SLC6A4: variants seen among roughly 807,000 people sequenced by gnomAD.
SLC6A4 encodes the protein solute carrier family 6 member 4.
A neutral mutation model predicts 73.4 loss-of-function variants in SLC6A4; 22 were observed. That is an observed-to-expected ratio of 0.30 (90% CI 0.21 to 0.43). The LOEUF is 0.43. SLC6A4 is among the 20% of genes least tolerant of loss of function. The probability of loss-of-function intolerance (pLI) is 1.00; values close to 1 mark genes in which losing one functional copy is unlikely to be tolerated. For missense variants in SLC6A4, 593 were observed against 808.5 expected, an observed-to-expected ratio of 0.73 and a Z score of 3.23; for synonymous variants, 270 against 315.5, an observed-to-expected ratio of 0.86 and a Z score of 1.53.
chr17:30,194,685 G>C lies in SLC6A4; in HGVS notation c.*3771C>G, dbSNP rs201171788. The C allele has an allele frequency of 1.3e-5, 2 of 152,134 alleles. No homozygotes were observed. Among genetic ancestry groups the C allele is most frequent in the African/African-American group, 2.4e-5 (1 of 41,424 alleles). The allele number at this position is 152,134 out of a possible 1,614,324, so 9.4% of individuals were successfully genotyped here. ...TTTCAAAATGCCATTTAAAAAATTA[G>C]TAAATGCTCATATTTGTTTATGATA... On this transcript the variant is annotated 3_prime_UTR_variant, in exon 15 of 15. Coordinates refer to ENST00000650711, the MANE Select transcript of SLC6A4 (RefSeq NM_001045.6).
intron 14 of SLC6A4, among the ~76,000 whole-genome samples, chr17:30,200,240 C>T (rs1337886567): frequency 2.0e-5 from 3 of 152,232 alleles, no homozygotes; most frequent in African/African-American, 7.2e-5. Context: ...ACCCAGGATG[C>T]CAGGCCCACG....
Position 30,210,568 on chromosome 17 carries a change from C to T in SLC6A4, c.1396G>A (p.Val466Met), listed in dbSNP as rs767140114. ...HVWAKRRERFVLAVVITCFFG... is the reference protein window; with the variant it reads ...HVWAKRRERFMLAVVITCFFG... ...AAGCAGGTGATGACCACGGCGAGCA[C>T]GAACCGCTCCCGGCGCTTGGCCCAG... The change falls in exon 11 of 15, where the codon GTG becomes ATG. Residue 466 changes from valine to methionine, a missense_variant. Coordinates refer to ENST00000650711, the MANE Select transcript of SLC6A4 (RefSeq NM_001045.6). The T allele has an allele frequency of 9.3e-6, 15 of 1,613,854 alleles. No homozygotes were observed. Among genetic ancestry groups the T allele is most frequent in the Non-Finnish European group, 1.1e-5 (13 of 1,179,916 alleles).
At position 30,222,052 on chromosome 17, in the gene SLC6A4, A is replaced by G. The variant is rs971194779; in HGVS notation, c.-94T>C. On this transcript the variant is annotated 5_prime_UTR_variant, in exon 3 of 15. Transcript: ENST00000650711. ...TTTGTGGATCACCTCCGAGCTCTCT[A>G]TCGTCGGGATTGACACGTCGGGATT... 1.3e-6 allele frequency: 2 copies of G among 1,591,506 alleles called. No homozygotes were observed. Among genetic ancestry groups the G allele is most frequent in the East Asian group, 2.3e-5 (1 of 43,876 alleles).
At chr17:30,225,448 G>A (rs1348296021) in intron 1 of SLC6A4, among the ~76,000 whole-genome samples, 1 of 152,146 alleles carries the variant, frequency 6.6e-6, no homozygotes, top group Non-Finnish European at 1.5e-5. Context: ...AAAACAAGCT[G>A]GCCCAGGAAT....
Position 30,196,610 on chromosome 17 carries a change from C to T in SLC6A4, c.*1846G>A, listed in dbSNP as rs985120415. On this transcript the variant is annotated 3_prime_UTR_variant, in exon 15 of 15. Transcript: ENST00000650711. ...AGTAATCATGGTTTTTCTTTTGCAC[C>T]AACTAATATTTACCACTGAACACGC... The T allele has an allele frequency of 2.0e-5, 3 of 152,108 alleles. No homozygotes were observed. Among genetic ancestry groups the T allele is most frequent in the Non-Finnish European group, 4.4e-5 (3 of 67,988 alleles). 9.4% of individuals were successfully genotyped at this position (152,108 alleles called of 1,614,324 possible). A position where few individuals can be genotyped will look rare whatever the true frequency, so the allele number is the denominator to read the frequency against.
In SLC6A4 at chr17:30,209,258, G is replaced by A; in HGVS notation, c.1450-16C>T. 6.5e-7 allele frequency: 1 copy of A among 1,532,002 alleles called. No homozygotes were observed. The highest frequency in any genetic ancestry group is 2.2e-5 in the East Asian group (1 of 44,484). 94.9% of individuals were successfully genotyped at this position (1,532,002 alleles called of 1,614,324 possible). A position where few individuals can be genotyped will look rare whatever the true frequency, so the allele number is the denominator to read the frequency against. On this transcript the variant is annotated splice_polypyrimidine_tract_variant and intron_variant, in intron 11 of 14. Coordinates refer to ENST00000650711, the MANE Select transcript of SLC6A4 (RefSeq NM_001045.6). ...AGGCCCCTCCCTGGAGGGGAGAGCA[G>A]AGCCTGGGTGAGGGCCCTCCAAGGA...
chr17:30,224,344 A>C (rs1237531821), intron 1 of SLC6A4, among the ~76,000 whole-genome samples: 1 of 151,990 alleles, frequency 6.6e-6, no homozygotes, highest in Non-Finnish European at 1.5e-5. Flanking sequence ...TCAGCCTCCG[A>C]GTAGCTGGGA....
intron 1 of SLC6A4, among the ~76,000 whole-genome samples, chr17:30,230,612 C>T (rs948440679): frequency 1.3e-5 from 2 of 151,554 alleles, no homozygotes; most frequent in East Asian, 1.9e-4. Flanking sequence ...CTGAGCAAGG[C>T]GGAAGAGGGA....
Position 30,211,538 on chromosome 17 carries a change from T to C in SLC6A4, c.1205-114A>G. On this transcript the variant is annotated intron_variant, in intron 9 of 14. Coordinates refer to ENST00000650711, the MANE Select transcript of SLC6A4 (RefSeq NM_001045.6). This position sits in a 1 kb window ranked among gnomAD's most constrained non-coding sequence, Gnocchi z 4.0. ...ACAATTCTCATCACAAGACCTTATG[T>C]GTGAATCAGGTTTTGACACACACCA... 1 of 707,222 alleles carries C rather than the reference T, an allele frequency of 1.4e-6. No individual in the cohort carries two copies. Among genetic ancestry groups the C allele is most frequent in the South Asian group, 1.7e-5 (1 of 60,556 alleles). 43.8% of individuals were successfully genotyped at this position (707,222 alleles called of 1,614,324 possible).
chr17:30,232,548 G>A (rs546911554), intron 1 of SLC6A4, among the ~76,000 whole-genome samples: 1 of 152,328 alleles, frequency 6.6e-6, no homozygotes, highest in Admixed American at 6.5e-5. Flanking sequence ...GTGCTAAAGA[G>A]CCTGTGGCTT....
At chr17:30,210,807 T>TAA (rs1435924671) in intron 10 of SLC6A4, among the ~76,000 whole-genome samples, 161 bp from the exon 11 acceptor site, 1 of 152,180 alleles carries the variant, frequency 6.6e-6, no homozygotes, top group African/African-American at 2.4e-5. Flanking sequence ...TCAAAGAGTA[T>TAA]TTCCCTGTTT....
At chr17:30,199,419 C>T (rs887257694) in intron 14 of SLC6A4, among the ~76,000 whole-genome samples, 7 of 151,914 alleles carry the variant, frequency 4.6e-5, no homozygotes, top group African/African-American at 1.7e-4. Context: ...CATAAGCAGA[C>T]AATTTGGATC....
chr17:30,218,726 G>A, intron 4 of SLC6A4, 71 bp downstream of exon 4: 1 of 1,543,810 alleles, frequency 6.5e-7, no homozygotes, highest in East Asian at 2.3e-5. Flanking sequence ...AAGGTCCCCA[G>A]CTCCCACCCA....
chr17:30,198,453 G>A lies in SLC6A4; in HGVS notation c.*3C>T, dbSNP rs769798940. ...AGAAGCCTTTTTCCTCTCGGTGAGT[G>A]TGTTACACAGCATTCAAGCGGATGT... On this transcript the variant is annotated 3_prime_UTR_variant, in exon 15 of 15. Transcript: ENST00000650711. The A allele has an allele frequency of 4.4e-6, 7 of 1,583,898 alleles. No homozygotes were observed. The South Asian group carries it at 6.7e-5, about 15-fold the overall frequency.
At chr17:30,217,326 G>T in intron 5 of SLC6A4, 22 bp from the exon 6 acceptor site, 1 of 1,610,574 alleles carries the variant, frequency 6.2e-7, no homozygotes, top group Non-Finnish European at 8.5e-7. Context: ...GAGAAAGAAA[G>T]GCCCCTGAGA....
chr17:30,216,219 G>A lies in SLC6A4; in HGVS notation c.838-3C>T, dbSNP rs1906567743. ...AAGGTGGCTGTCACCCACACCACCT[G>A]TAAGGAAGAAGGGTTATCACCATGC... On this transcript the variant is annotated splice_region_variant and splice_polypyrimidine_tract_variant and intron_variant, in intron 6 of 14. Coordinates refer to ENST00000650711, the MANE Select transcript of SLC6A4 (RefSeq NM_001045.6). 1.5e-6 allele frequency: 2 copies of A among 1,330,152 alleles called. No individual in the cohort carries two copies. The highest frequency in any genetic ancestry group is 4.1e-5 in the East Asian group (1 of 24,238). 82.4% of individuals were successfully genotyped at this position (1,330,152 alleles called of 1,614,324 possible).
At chr17:30,219,073 C>A in intron 3 of SLC6A4, 142 bp from the exon 4 acceptor site, 1 of 909,774 alleles carries the variant, frequency 1.1e-6, no homozygotes, top group Admixed American at 2.1e-5. Flanking sequence ...TGCTGTGCTC[C>A]TCTGGTCTCA....
At chr17:30,226,503 C>T (rs1482277916) in intron 1 of SLC6A4, among the ~76,000 whole-genome samples, 1 of 152,198 alleles carries the variant, frequency 6.6e-6, no homozygotes, top group African/African-American at 2.4e-5. Context: ...AGTTTGAGAC[C>T]AGCGTGGCCA....
chr17:30,218,070 G>T, intron 5 of SLC6A4, 48 bp downstream of exon 5: 1 of 1,496,754 alleles, frequency 6.7e-7, no homozygotes. Context: ...AAACCCCAGG[G>T]GTGTGGCCTG....
Sources: allele counts gnomAD v4.1 joint callset (sites outside exome capture counted in the v4.1 genomes callset), GRCh38; gene constraint gnomAD v4.1.1; non-coding constraint Gnocchi (gnomAD v3.1); transcripts MANE v1.5; gene names NCBI Gene and HGNC (gene_info 2026-07-23, HGNC 2026-07-21).